WASF3: variants seen among roughly 807,000 people sequenced by gnomAD.
WASF3 encodes WASP family member 3, also known as actin-binding protein WASF3.
WASF3 carries 11 observed loss-of-function variants against 46.6 expected under a neutral mutation model. The observed-to-expected ratio is 0.24, with a 90% CI of 0.15 to 0.39. The LOEUF is 0.39. WASF3 is among the 10% of genes least tolerant of loss of function. The pLI is 1.00. For missense variants in WASF3, 576 were observed against 669.8 expected (o/e 0.86, Z 1.55); for synonymous variants, 242 against 259.7 (o/e 0.93, Z 0.65).
chr13:26,600,034 C>T (rs966397967), intron 1 of WASF3, among the ~76,000 whole-genome samples: 6 of 152,210 alleles, frequency 3.9e-5, no homozygotes, highest in African/African-American at 1.4e-4. Flanking sequence ...CCACATCTGT[C>T]ATCCTCTTTG....
At chr13:26,603,218 G>A (rs1045524098) in intron 1 of WASF3, among the ~76,000 whole-genome samples, 2 of 152,188 alleles carry the variant, frequency 1.3e-5, no homozygotes, top group African/African-American at 4.8e-5. Flanking sequence ...AGCTTCTTGT[G>A]TCGGGGCCTG....
intron 1 of WASF3, among the ~76,000 whole-genome samples, chr13:26,575,139 C>A (rs1319699731): frequency 6.6e-6 from 1 of 152,030 alleles, no homozygotes; most frequent in East Asian, 1.9e-4. Context: ...CTTGGCCAAC[C>A]CCTTCTTATT....
At chr13:26,545,321 C>A in the WASF3 span, among the ~76,000 whole-genome samples, 1 of 152,190 alleles carries the variant, frequency 6.6e-6, no homozygotes, top group Non-Finnish European at 1.5e-5. Context: ...TTTTAATATT[C>A]TTTCATGGAT....
intron 6 of WASF3, among the ~76,000 whole-genome samples, chr13:26,672,562 C>G (rs1035107552): frequency 2.0e-5 from 3 of 152,196 alleles, no homozygotes; most frequent in African/African-American, 4.8e-5. Flanking sequence ...GAAGCCCACT[C>G]TACTCAGGTT....
At chr13:26,660,616 G>A (rs1882602213) in intron 3 of WASF3, among the ~76,000 whole-genome samples, 1 of 152,070 alleles carries the variant, frequency 6.6e-6, no homozygotes, top group South Asian at 2.1e-4. Context: ...AGGGAGGAGA[G>A]TAAGAGTGTA....
At chr13:26,606,294 T>G (rs909363338) in intron 1 of WASF3, among the ~76,000 whole-genome samples, 1 of 151,278 alleles carries the variant, frequency 6.6e-6, no homozygotes, top group Admixed American at 6.6e-5. Flanking sequence ...CTGTTTGACT[T>G]TCTCTTTTTT....
intron 1 of WASF3, among the ~76,000 whole-genome samples, chr13:26,598,948 G>A (rs1009737533): frequency 6.6e-6 from 1 of 152,132 alleles, no homozygotes; most frequent in Non-Finnish European, 1.5e-5. Context: ...TTGGCTCGCT[G>A]CATCCTCTGT....
At chr13:26,583,469 T>TAA (rs1880042004) in intron 1 of WASF3, among the ~76,000 whole-genome samples, 1 of 152,178 alleles carries the variant, frequency 6.6e-6, no homozygotes, top group South Asian at 2.1e-4. Context: ...AGTTCATAAT[T>TAA]AGAGTAGGCA....
At chr13:26,625,181 C>T (rs544078938) in intron 2 of WASF3, among the ~76,000 whole-genome samples, 45 of 152,134 alleles carry the variant, frequency 3.0e-4, no homozygotes, top group African/African-American at 1.0e-3. Flanking sequence ...TATATGACAA[C>T]ATTGGACAAA....
At chr13:26,585,571 C>T (rs1407358220) in intron 1 of WASF3, among the ~76,000 whole-genome samples, 2 of 152,106 alleles carry the variant, frequency 1.3e-5, no homozygotes. Flanking sequence ...GATTGTAAGC[C>T]TCTGGAAGGC....
At chr13:26,638,094 G>C (rs1248275346) in intron 2 of WASF3, 1 of 152,296 alleles carries the variant, frequency 6.6e-6, no homozygotes, top group Non-Finnish European at 1.5e-5. Flanking sequence ...TGAGGTCTAA[G>C]GGAGATTCAG....
upstream of WASF3, among the ~76,000 whole-genome samples, chr13:26,555,155 C>T (rs185879635): frequency 8.0e-4 from 122 of 152,284 alleles, no homozygotes; most frequent in Non-Finnish European, 7.8e-4. Context: ...CTTAATGACA[C>T]ATGATATTGA....
intron 7 of WASF3, 102 bp from the exon 8 acceptor site, chr13:26,680,952 T>C (rs1391533825): frequency 4.3e-6 from 6 of 1,404,554 alleles, no homozygotes. Flanking sequence ...GTCTGATTTT[T>C]GTGTATTAGC....
At chr13:26,588,073 G>A (rs1375511062) in intron 1 of WASF3, among the ~76,000 whole-genome samples, 1 of 152,136 alleles carries the variant, frequency 6.6e-6, no homozygotes, top group African/African-American at 2.4e-5. Context: ...GTTGACTCTA[G>A]TTACACAAGA....
At chr13:26,595,292 G>T (rs1880427446) in intron 1 of WASF3, among the ~76,000 whole-genome samples, 1 of 152,072 alleles carries the variant, frequency 6.6e-6, no homozygotes, top group South Asian at 2.1e-4. Flanking sequence ...CTCAGCTTTG[G>T]CTTATCAGAA....
At chr13:26,555,803 A>C (rs1879085023), upstream of WASF3, among the ~76,000 whole-genome samples, 1 of 152,228 alleles carries the variant, frequency 6.6e-6, no homozygotes, top group Admixed American at 6.5e-5. Flanking sequence ...ACTCCTATTT[A>C]GTAGGCACTT....
chr13:26,647,317 A>G (rs1263410408), intron 3 of WASF3, among the ~76,000 whole-genome samples: 2 of 152,174 alleles, frequency 1.3e-5, no homozygotes, highest in African/African-American at 2.4e-5. Flanking sequence ...AGTGTGAGCA[A>G]TCAGAGTGGC....
chr13:26,566,886 G>A (rs1363249611), intron 1 of WASF3, among the ~76,000 whole-genome samples: 1 of 152,190 alleles, frequency 6.6e-6, no homozygotes, highest in Non-Finnish European at 1.5e-5. Context: ...GAGCATCCTG[G>A]TGGCCACAGT....
the WASF3 span, among the ~76,000 whole-genome samples, chr13:26,546,539 C>T: frequency 6.6e-6 from 1 of 151,990 alleles, no homozygotes; most frequent in Non-Finnish European, 1.5e-5. Context: ...GGTGAAACCC[C>T]GTCTCTACTA....
Sources: allele counts gnomAD v4.1 joint callset (sites outside exome capture counted in the v4.1 genomes callset), GRCh38; gene constraint gnomAD v4.1.1; transcripts MANE v1.5; gene names NCBI Gene and HGNC (gene_info 2026-07-23, HGNC 2026-07-21).